TNS1: variants seen among roughly 807,000 people sequenced by gnomAD.
TNS1 encodes the protein tensin 1.
TNS1 carries 62 observed loss-of-function variants against 168.6 expected under a neutral mutation model. The ratio of observed to expected loss-of-function variants is 0.37; its 90% confidence interval spans 0.30 to 0.45. The LOEUF (loss-of-function observed/expected upper bound fraction) is 0.45, where lower values mean the gene tolerates loss of function less well. Ranked by LOEUF, TNS1 falls within the 20% of genes least tolerant of loss-of-function variation. The probability of loss-of-function intolerance (pLI) is 1.00; values close to 1 mark genes in which losing one functional copy is unlikely to be tolerated. For synonymous variants in TNS1, 934 were observed against 933.2 expected, an observed-to-expected ratio of 1.00 and a Z score of -0.02; for missense variants, 2,240 against 2,339.4, an observed-to-expected ratio of 0.96 and a Z score of 0.88.
At chr2:217,830,403 G>T in intron 22 of TNS1, 4 of 1,613,932 alleles carry the variant, frequency 2.5e-6, no homozygotes, top group Non-Finnish European at 3.4e-6. Context: ...AAGGAAAAAA[G>T]TAAAGTTGAC....
intron 3 of TNS1, among the ~76,000 whole-genome samples, chr2:217,961,176 T>C (rs1418246684): frequency 6.6e-6 from 1 of 151,792 alleles, no homozygotes; most frequent in Non-Finnish European, 1.5e-5. Context: ...TCAGTGGCTT[T>C]CGATTCAAAT....
intron 1 of TNS1, among the ~76,000 whole-genome samples, chr2:218,015,501 C>A (rs1405322633): frequency 6.6e-6 from 1 of 152,178 alleles, no homozygotes; most frequent in Non-Finnish European, 1.5e-5. Flanking sequence ...TGATACCTAA[C>A]CTCCATCCCC....
At chr2:217,809,759 C>T in intron 30 of TNS1, 64 bp downstream of exon 30, 1 of 1,518,280 alleles carries the variant, frequency 6.6e-7, no homozygotes, top group Non-Finnish European at 9.0e-7. Context: ...TGTGTGGGTA[C>T]ACGGATGAAT....
In TNS1 at chr2:217,802,535, T is replaced by C. The variant is rs1264343514; in HGVS notation, c.*1924A>G. The C allele has an allele frequency of 6.6e-6, 1 of 152,264 alleles. No individual in the cohort carries two copies. The highest frequency in any genetic ancestry group is 1.5e-5 in the Non-Finnish European group (1 of 68,072). 9.4% of individuals were successfully genotyped at this position (152,264 alleles called of 1,614,324 possible). A position where few individuals can be genotyped will look rare whatever the true frequency, so the allele number is the denominator to read the frequency against. On this transcript the variant is annotated 3_prime_UTR_variant, in exon 33 of 33. Coordinates refer to ENST00000682258, the MANE Select transcript of TNS1 (RefSeq NM_001387777.1). ...TCCTGGGAGCTGACTGCTGGGCCCC[T>C]GGCTTGCTGAAAAGTAAGGGGGCCA...
In TNS1 at chr2:217,804,251, C is replaced by T. The variant is rs1309710117; in HGVS notation, c.*208G>A. On this transcript the variant is annotated 3_prime_UTR_variant, in exon 33 of 33. Coordinates refer to ENST00000682258, the MANE Select transcript of TNS1 (RefSeq NM_001387777.1). ...CAGGGGAATCCAAGTTCTTCTCCTC[C>T]ATCTTTCTCTCTCTCTCTCTCTCTC... 1.9e-5 allele frequency: 10 copies of T among 527,322 alleles called. No individual in the cohort carries two copies. The highest frequency in any genetic ancestry group is 3.2e-5 in the Non-Finnish European group (10 of 309,304). 32.7% of individuals were successfully genotyped at this position (527,322 alleles called of 1,614,324 possible).
intron 3 of TNS1, among the ~76,000 whole-genome samples, chr2:217,971,487 G>A (rs967539865): frequency 1.3e-5 from 2 of 152,156 alleles, no homozygotes; most frequent in Non-Finnish European, 2.9e-5. Flanking sequence ...GAATATAAAG[G>A]TTCGTTCCAG....
At chr2:217,832,180 T>C (rs1277427706) in intron 21 of TNS1, among the ~76,000 whole-genome samples, 1 of 152,184 alleles carries the variant, frequency 6.6e-6, no homozygotes, top group Non-Finnish European at 1.5e-5. Context: ...AATGTGGGGC[T>C]CTGTCCCCCC....
At chr2:217,929,841 G>T (rs1956228731) in intron 3 of TNS1, among the ~76,000 whole-genome samples, 1 of 151,996 alleles carries the variant, frequency 6.6e-6, no homozygotes, top group African/African-American at 2.4e-5. Context: ...CCCTTCTCAG[G>T]TCCTATTAAT....
chr2:217,836,316 A>G (rs779952944), intron 19 of TNS1, 105 bp from the exon 20 acceptor site: 59 of 1,141,962 alleles, frequency 5.2e-5, no homozygotes, highest in Admixed American at 1.1e-4. Context: ...CTCAGAGGCC[A>G]TGCTGGGGCT....
Position 217,806,075 on chromosome 2 carries a change from G to A in TNS1, c.5376-1472C>T, listed in dbSNP as rs73072401. 6.1e-3 allele frequency among the ~76,000 whole-genome samples: 932 copies of A among 152,336 alleles called. 3 individuals carry two copies. Among genetic ancestry groups the A allele is most frequent in the African/African-American group, 0.021 (888 of 41,582 alleles). ...GCTGGCTCAGACCATGAGCAGGGGTGGGGGTGATCCTGGCAGAGGGAGGAA... is the reference window on the plus strand; with the variant it reads ...GCTGGCTCAGACCATGAGCAGGGGTAGGGGTGATCCTGGCAGAGGGAGGAA... On this transcript the variant is annotated intron_variant, in intron 32 of 32. Transcript: ENST00000682258.
Position 217,893,064 on chromosome 2 carries a change from C to G in TNS1, c.718-52G>C, listed in dbSNP as rs747675287. On this transcript the variant is annotated intron_variant, in intron 10 of 32. Coordinates refer to ENST00000682258, the MANE Select transcript of TNS1 (RefSeq NM_001387777.1). ...TTTATTTCTAAGGCCAGCCTTGCTGCCCCAGAGCTTATCTAGAAGCCTTGG... is the reference window on the plus strand; with the variant it reads ...TTTATTTCTAAGGCCAGCCTTGCTGGCCCAGAGCTTATCTAGAAGCCTTGG... 3.7e-6 allele frequency: 6 copies of G among 1,603,116 alleles called. No individual in the cohort carries two copies. In the South Asian group the frequency reaches 6.6e-5, roughly 18 times the overall value.
At chr2:217,946,740 C>G (rs751770563) in intron 3 of TNS1, among the ~76,000 whole-genome samples, 1 of 151,934 alleles carries the variant, frequency 6.6e-6, no homozygotes, top group Non-Finnish European at 1.5e-5. Context: ...ACCCCATCAT[C>G]ACCCCTCTTT....
chr2:217,979,068 TG>T, intron 2 of TNS1: 1 of 335,134 alleles, frequency 3.0e-6, no homozygotes, highest in Non-Finnish European at 5.3e-6. Context: ...TGCGGGAAGG[TG>T]GGGGGAGCAA....
At position 217,857,967 on chromosome 2, in the gene TNS1, T is replaced by C. The variant is rs927998553; in HGVS notation, c.1430-8880A>G. 2.0e-5 allele frequency among the ~76,000 whole-genome samples: 3 copies of C among 150,994 alleles called. No individual in the cohort carries two copies. The East Asian group carries it at 5.9e-4, about 30-fold the overall frequency. Reference sequence around the variant, plus strand: ...TCAGAGATCCCTGGCTAGAGGAGAGTCAAGCTGCCAAAATCTCTGCCAAAG... The same window carrying C: ...TCAGAGATCCCTGGCTAGAGGAGAGCCAAGCTGCCAAAATCTCTGCCAAAG... On this transcript the variant is annotated intron_variant, in intron 18 of 32. Coordinates refer to ENST00000682258, the MANE Select transcript of TNS1 (RefSeq NM_001387777.1).
chr2:217,928,186 G>T (rs1428572003), intron 3 of TNS1, among the ~76,000 whole-genome samples: 1 of 152,256 alleles, frequency 6.6e-6, no homozygotes, highest in Non-Finnish European at 1.5e-5. Context: ...GCCATGGAGG[G>T]AGGGTGTGGG....
intron 11 of TNS1, among the ~76,000 whole-genome samples, chr2:217,891,433 A>T (rs1016850984): frequency 3.9e-5 from 6 of 152,184 alleles, no homozygotes; most frequent in African/African-American, 1.4e-4. Context: ...AAGTGAGGGA[A>T]TATCCATAAA....
intron 1 of TNS1, among the ~76,000 whole-genome samples, chr2:217,993,087 C>A (rs367870093): frequency 3.7e-4 from 57 of 152,246 alleles, no homozygotes; most frequent in African/African-American, 1.1e-3. Flanking sequence ...ACATGCTGTG[C>A]GGGATTTTAG....
chr2:217,950,697 A>G (rs1272554524), intron 3 of TNS1, among the ~76,000 whole-genome samples: 2 of 150,492 alleles, frequency 1.3e-5, no homozygotes, highest in African/African-American at 2.5e-5. Flanking sequence ...AGAGCTGTCC[A>G]CTGGCCCAGG....
At chr2:217,941,180 G>T (rs1401801609) in intron 3 of TNS1, among the ~76,000 whole-genome samples, 1 of 152,216 alleles carries the variant, frequency 6.6e-6, no homozygotes, top group African/African-American at 2.4e-5. Flanking sequence ...GCTGGCTAGG[G>T]AGGCCTGTTT....
Sources: gnomAD v4.1 joint callset for allele counts (sites outside exome capture counted in the v4.1 genomes callset) on GRCh38, gnomAD v4.1.1 for gene constraint, MANE v1.5 for transcripts, NCBI Gene and HGNC (gene_info 2026-07-23, HGNC 2026-07-21) for gene names.